Variants in PRKN observed in about 807,000 individuals in gnomAD.
PRKN encodes parkin RBR E3 ubiquitin protein ligase, also known as E3 ubiquitin-protein ligase parkin.
Under a neutral mutation model 59.5 loss-of-function variants are expected in PRKN, and 56 were observed. That is an observed-to-expected ratio of 0.94 (90% CI 0.76 to 1.18). The LOEUF is 1.18. PRKN is among the 50% of genes most tolerant of loss of function. The probability of loss-of-function intolerance (pLI) is 0.00; values close to 1 mark genes in which losing one functional copy is unlikely to be tolerated. For synonymous variants in PRKN, 250 were observed against 222.1 expected (o/e 1.13, Z -1.12); for missense variants, 657 against 596.4 (o/e 1.10, Z -1.06).
At chr6:162,582,373 A>G (rs750586209) in intron 1 of PRKN, among the ~76,000 whole-genome samples, 10 of 152,232 alleles carry the variant, frequency 6.6e-5, no homozygotes, top group Non-Finnish European at 1.2e-4. Context: ...AAAGCTGAAT[A>G]AATGTTCTGT....
intron 5 of PRKN, among the ~76,000 whole-genome samples, chr6:162,041,646 A>G (rs975681670): frequency 3.3e-5 from 5 of 152,176 alleles, no homozygotes; most frequent in Non-Finnish European, 7.3e-5. Context: ...TCCAGTTGTG[A>G]TCACTGGGAA....
In PRKN at chr6:162,304,489, T is replaced by TTCTATCTATCTA. The variant is rs6149895; in HGVS notation, c.172-41736_172-41725dup. 1.0e-3 allele frequency among the ~76,000 whole-genome samples: 130 copies of TTCTATCTATCTA among 128,650 alleles called. 2 individuals carry two copies. The highest frequency in any genetic ancestry group is 3.8e-3 in the Middle Eastern group (1 of 266). The allele number at this position is 128,650 out of a possible 152,430, so 84.4% of individuals were successfully genotyped here. A position where few individuals can be genotyped will look rare whatever the true frequency, so the allele number is the denominator to read the frequency against. Reference sequence around the variant, plus strand: ...AAAATGTAATGCTTGACTCATCCAGTTCTATCTATCTATCTATCTATCTAT... The same window carrying TTCTATCTATCTA: ...AAAATGTAATGCTTGACTCATCCAGTTCTATCTATCTATCTATCTATCTATCTATCTATCTAT... On this transcript the variant is annotated intron_variant, in intron 2 of 11. Coordinates refer to ENST00000366898, the MANE Select transcript of PRKN (RefSeq NM_004562.3).
intron 1 of PRKN, among the ~76,000 whole-genome samples, chr6:162,494,847 G>A (rs190682907): frequency 1.3e-3 from 203 of 152,246 alleles, no homozygotes; most frequent in African/African-American, 4.6e-3. Context: ...CAGGGACTAA[G>A]CTAACAGAAC....
At chr6:161,655,308 T>C (rs372017201) in intron 7 of PRKN, among the ~76,000 whole-genome samples, 1,090 of 115,306 alleles carry the variant, frequency 9.5e-3, no homozygotes, top group Middle Eastern at 0.037. Flanking sequence ...CAAGGTGCAC[T>C]GTCACAGAGG....
At chr6:162,306,688 G>C (rs1782243306) in intron 2 of PRKN, among the ~76,000 whole-genome samples, 1 of 152,192 alleles carries the variant, frequency 6.6e-6, no homozygotes, top group Non-Finnish European at 1.5e-5. Flanking sequence ...ACGCCAGGCA[G>C]TGGGAGAATG....
At chr6:162,392,991 A>G (rs1787278797) in intron 2 of PRKN, among the ~76,000 whole-genome samples, 2 of 151,812 alleles carry the variant, frequency 1.3e-5, no homozygotes, top group Non-Finnish European at 2.9e-5. Flanking sequence ...TAGGGCCACC[A>G]TGCAGCAATT....
At chr6:162,700,901 A>G (rs754650031) in intron 1 of PRKN, among the ~76,000 whole-genome samples, 19 of 152,090 alleles carry the variant, frequency 1.2e-4, no homozygotes, top group Non-Finnish European at 2.4e-4. Flanking sequence ...AATCATTTCA[A>G]TCTGCATTAG....
chr6:162,346,942 A>G lies in PRKN; in HGVS notation c.172-84177T>C, dbSNP rs150056363. 4.8e-3 allele frequency among the ~76,000 whole-genome samples: 724 copies of G among 151,996 alleles called. 3 individuals are homozygous for G. Among genetic ancestry groups the G allele is most frequent in the African/African-American group, 0.016 (661 of 41,522 alleles). ...ATTTGCTTTCCTAGTATTTGTAGTC[A>G]TATCATCCTTTAACAACATTTTAAT... On this transcript the variant is annotated intron_variant, in intron 2 of 11. Transcript: ENST00000366898.
At chr6:162,351,639 T>A (rs1043791367) in intron 2 of PRKN, among the ~76,000 whole-genome samples, 18 of 152,158 alleles carry the variant, frequency 1.2e-4, no homozygotes, top group Non-Finnish European at 1.5e-5. Flanking sequence ...CATGTACTCG[T>A]CAAAACCTAT....
At chr6:161,789,905 A>T (rs1790571313) in intron 6 of PRKN, among the ~76,000 whole-genome samples, 1 of 150,250 alleles carries the variant, frequency 6.7e-6, no homozygotes. Flanking sequence ...TCTCATTTAC[A>T]TGTTGTTCAC....
chr6:162,340,633 C>A (rs1784136555), intron 2 of PRKN, among the ~76,000 whole-genome samples: 1 of 152,154 alleles, frequency 6.6e-6, no homozygotes, highest in African/African-American at 2.4e-5. Flanking sequence ...CACGCATCTA[C>A]AAACATCTGA....
intron 1 of PRKN, among the ~76,000 whole-genome samples, chr6:162,564,137 G>C (rs1209444394): frequency 6.6e-6 from 1 of 152,082 alleles, no homozygotes; most frequent in Admixed American, 6.6e-5. Flanking sequence ...ACAGAGTCAG[G>C]AGATCGAGAC....
chr6:162,324,403 T>C (rs1783173632), intron 2 of PRKN, among the ~76,000 whole-genome samples: 1 of 152,160 alleles, frequency 6.6e-6, no homozygotes, highest in African/African-American at 2.4e-5. Context: ...CAAACATTTA[T>C]ATGCCAGATA....
intron 4 of PRKN, among the ~76,000 whole-genome samples, chr6:162,108,468 C>T (rs528380413): frequency 5.3e-5 from 8 of 152,274 alleles, no homozygotes; most frequent in South Asian, 2.1e-4. Context: ...GCACATTTTA[C>T]GAAATGTCAG....
At chr6:161,894,592 T>C (rs563037805) in intron 6 of PRKN, among the ~76,000 whole-genome samples, 1 of 152,308 alleles carries the variant, frequency 6.6e-6, no homozygotes, top group East Asian at 1.9e-4. Flanking sequence ...GCGTTACTCA[T>C]GCATTTCTCC....
At chr6:161,607,132 C>T (rs912686665) in intron 7 of PRKN, among the ~76,000 whole-genome samples, 3 of 152,204 alleles carry the variant, frequency 2.0e-5, no homozygotes, top group African/African-American at 7.2e-5. Context: ...TTTCTATCTG[C>T]AGTTGTGGAG....
intron 9 of PRKN, among the ~76,000 whole-genome samples, chr6:161,425,228 G>T (rs1289892710): frequency 6.6e-6 from 1 of 152,128 alleles, no homozygotes; most frequent in Non-Finnish European, 1.5e-5. Context: ...CTCCCTCCTA[G>T]ATTGAACTGT....
intron 5 of PRKN, among the ~76,000 whole-genome samples, chr6:161,974,321 C>T (rs1780942999): frequency 6.6e-6 from 1 of 152,134 alleles, no homozygotes; most frequent in African/African-American, 2.4e-5. Flanking sequence ...CTGGCATCAA[C>T]ACCCCAGCAT....
At chr6:162,103,570 AT>A in intron 4 of PRKN, among the ~76,000 whole-genome samples, 1 of 152,166 alleles carries the variant, frequency 6.6e-6, no homozygotes. Flanking sequence ...TATATCAAAC[AT>A]TGCAAAAATA....
Sources: gnomAD v4.1 joint callset for allele counts (sites outside exome capture counted in the v4.1 genomes callset) on GRCh38, gnomAD v4.1.1 for gene constraint, MANE v1.5 for transcripts, NCBI Gene and HGNC (gene_info 2026-07-23, HGNC 2026-07-21) for gene names.